Variants in SUFU observed in about 807,000 individuals in gnomAD.
SUFU encodes SUFU negative regulator of hedgehog signaling, also known as suppressor of fused homolog.
In SUFU, 7 loss-of-function variants were observed where a neutral mutation model predicts 58.9. The observed-to-expected ratio is 0.12, with a 90% CI of 0.07 to 0.22. SUFU has a LOEUF of 0.22. SUFU is among the 10% of genes least tolerant of loss of function. The probability of loss-of-function intolerance (pLI) is 1.00; values close to 1 mark genes in which losing one functional copy is unlikely to be tolerated. For missense variants in SUFU, 451 were observed against 641.3 expected (o/e 0.70, Z 3.20); for synonymous variants, 232 against 254.8 (o/e 0.91, Z 0.85).
chr10:102,539,312 G>A (rs1244281746), intron 2 of SUFU, among the ~76,000 whole-genome samples: 1 of 152,168 alleles, frequency 6.6e-6, no homozygotes, highest in African/African-American at 2.4e-5. Context: ...TCATGCGTAG[G>A]ATCAGTGTAT....
chr10:102,583,259 GTTCC>G (rs2063301236), intron 3 of SUFU, among the ~76,000 whole-genome samples: 1 of 152,200 alleles, frequency 6.6e-6, no homozygotes, highest in Non-Finnish European at 1.5e-5. Context: ...CATAAGTCTA[GTTCC>G]TTCATCAGGC....
At chr10:102,586,423 C>A (rs558087309) in intron 3 of SUFU, among the ~76,000 whole-genome samples, 1 of 151,864 alleles carries the variant, frequency 6.6e-6, no homozygotes, top group Admixed American at 6.6e-5. Flanking sequence ...CCTGTAATCC[C>A]AGCACTTTGG....
At chr10:102,590,554 A>G (rs1018455945) in intron 3 of SUFU, among the ~76,000 whole-genome samples, 2 of 152,066 alleles carry the variant, frequency 1.3e-5, no homozygotes, top group Admixed American at 6.6e-5. Flanking sequence ...ATATTGGTCT[A>G]TAGTTGTTTT....
At position 102,550,079 on chromosome 10, in the gene SUFU, G is replaced by A. The variant is rs1590019047; in HGVS notation, c.427G>A (p.Gly143Ser). 1.9e-6 allele frequency: 3 copies of A among 1,614,068 alleles called. No homozygotes were observed. The highest frequency in any genetic ancestry group is 1.7e-5 in the Admixed American group (1 of 60,004). Residue 143 changes from glycine (G) to serine (S), a missense_variant, in exon 3 of 12, where the codon GGC becomes AGC. Physicochemically the swap from Gly to Ser is moderately conservative, Grantham distance 56 (BLOSUM62 0). Coordinates refer to ENST00000369902, the MANE Select transcript of SUFU (RefSeq NM_016169.4). ...AACATGGCCCGCAGAGTTAATGCAG[G>A]GCTTGGCACGATACGTGTTCCAGTC... ...PPTWPAELMQ[G>S]LARYVFQSEN...
chr10:102,568,913 T>TACAC lies in SUFU; in HGVS notation c.454+18808_454+18809insCACA, dbSNP rs2063127291. ...AAAAAAAAAAATATATATATATATA[T>TACAC]ATATATACACATATATATATATATA... is the stretch of plus-strand genomic sequence containing the variant. On this transcript the variant is annotated intron_variant, in intron 3 of 11. Coordinates refer to ENST00000369902, the MANE Select transcript of SUFU (RefSeq NM_016169.4). 2.6e-4 allele frequency among the ~76,000 whole-genome samples: 2 copies of TACAC among 7,556 alleles called. 1 individual carries two copies. Among genetic ancestry groups the TACAC allele is most frequent in the Non-Finnish European group, 5.2e-4 (2 of 3,848 alleles). The allele number at this position is 7,556 out of a possible 152,430, so 5.0% of individuals were successfully genotyped here. A position where few individuals can be genotyped will look rare whatever the true frequency, so the allele number is the denominator to read the frequency against.
chr10:102,618,788 C>A, intron 10 of SUFU: 2 of 521,292 alleles, frequency 3.8e-6, no homozygotes, highest in Non-Finnish European at 3.4e-6. Context: ...TACCCCCAGC[C>A]ATGTCCCGGG....
At chr10:102,536,326 A>G (rs1475802399) in intron 2 of SUFU, among the ~76,000 whole-genome samples, 1 of 151,720 alleles carries the variant, frequency 6.6e-6, no homozygotes, top group Non-Finnish European at 1.5e-5. Flanking sequence ...TGAAAAACAA[A>G]AATTATACTG....
intron 2 of SUFU, among the ~76,000 whole-genome samples, chr10:102,519,151 A>AAG (rs1257256535): frequency 2.0e-5 from 3 of 150,558 alleles, no homozygotes; most frequent in East Asian, 2.0e-4. Context: ...AAAAAAAAAA[A>AAG]AAAAGAAAGA....
At chr10:102,511,166 TAAAC>T (rs997933350) in intron 2 of SUFU, among the ~76,000 whole-genome samples, 67 of 147,840 alleles carry the variant, frequency 4.5e-4, no homozygotes, top group Non-Finnish European at 7.6e-4. Context: ...ATAATGAAAA[TAAAC>T]AAAGTTTTTT....
intron 3 of SUFU, among the ~76,000 whole-genome samples, chr10:102,590,153 CTT>C (rs71474569): frequency 8.1e-5 from 6 of 73,836 alleles, no homozygotes; most frequent in Non-Finnish European, 1.2e-4. Context: ...TTTTTTTTTT[CTT>C]TTTTCTTTTT....
At position 102,632,258 on chromosome 10, in the gene SUFU, TG is replaced by T. The variant is rs2135963752; in HGVS notation, c.*2104del. On this transcript the variant is annotated 3_prime_UTR_variant, in exon 12 of 12. Transcript: ENST00000369902. Reference sequence around the variant, plus strand: ...CCAGACCTGGAGGGTCTTTGTGGACTGAAGGTAGACACCAGCCAGCATGGTG... The same window carrying T: ...CCAGACCTGGAGGGTCTTTGTGGACTAAGGTAGACACCAGCCAGCATGGTG... 4.3e-6 allele frequency: 1 copy of T among 233,332 alleles called. No individual in the cohort carries two copies. Among genetic ancestry groups the T allele is most frequent in the Admixed American group, 5.6e-5 (1 of 17,796 alleles). The allele number at this position is 233,332 out of a possible 1,614,324, so 14.5% of individuals were successfully genotyped here.
intron 3 of SUFU, among the ~76,000 whole-genome samples, chr10:102,571,827 C>T (rs1467935435): frequency 6.6e-6 from 1 of 152,184 alleles, no homozygotes; most frequent in East Asian, 1.9e-4. Context: ...ATGCTGCATT[C>T]TTTTCTTTTC....
Position 102,630,138 on chromosome 10 carries a change from GACAGTCCGCT to G in SUFU, c.1442_1451del (p.Ser481ThrfsTer19), listed in dbSNP as rs1324912821. On this transcript the variant is annotated frameshift_variant, in exon 12 of 12. Transcript: ENST00000369902. LOFTEE classifies it high-confidence loss of function. The stretch of plus-strand genomic sequence containing the variant: ...CTCCATCCTGCCTGACGTGGTGTTC[GACAGTCCGCT>G]ACACTAGCCTGGGCTGGGCCCTGCA... The G allele has an allele frequency of 2.5e-6, 4 of 1,614,166 alleles. No homozygotes were observed. Among genetic ancestry groups the G allele is most frequent in the Non-Finnish European group, 3.4e-6 (4 of 1,180,008 alleles).
chr10:102,511,464 G>A (rs936343856), intron 2 of SUFU, among the ~76,000 whole-genome samples: 39 of 151,972 alleles, frequency 2.6e-4, no homozygotes, highest in African/African-American at 8.7e-4. Flanking sequence ...TTTGCATAGC[G>A]ACCAATTCTG....
At chr10:102,620,905 T>C (rs1325078543) in intron 10 of SUFU, among the ~76,000 whole-genome samples, 1 of 152,162 alleles carries the variant, frequency 6.6e-6, no homozygotes, top group Non-Finnish European at 1.5e-5. Context: ...CATCACCAAA[T>C]ATGAGAATAT....
intron 5 of SUFU, 134 bp downstream of exon 5, chr10:102,593,855 A>G: frequency 7.3e-7 from 1 of 1,360,984 alleles, no homozygotes; most frequent in Non-Finnish European, 1.0e-6. Context: ...CTTCCTGACG[A>G]CTCACTCCCT....
chr10:102,518,537 C>CTATCTATCTATCTATG (rs1199619029), intron 2 of SUFU, among the ~76,000 whole-genome samples: 1 of 151,454 alleles, frequency 6.6e-6, no homozygotes, highest in East Asian at 2.0e-4. Flanking sequence ...ATCTATCTAT[C>CTATCTATCTATCTATG]TATCTATCTA....
intron 2 of SUFU, among the ~76,000 whole-genome samples, chr10:102,534,107 G>A (rs2135704032): frequency 6.6e-6 from 1 of 152,292 alleles, no homozygotes; most frequent in Middle Eastern, 3.4e-3. Flanking sequence ...CGTGTGGTGA[G>A]GAGGGGCGGA....
At chr10:102,563,780 T>G (rs2063062340) in intron 3 of SUFU, among the ~76,000 whole-genome samples, 2 of 151,856 alleles carry the variant, frequency 1.3e-5, no homozygotes, top group Admixed American at 6.6e-5. Context: ...CCTTTTTTTT[T>G]TGTTGTTAAA....
Sources: gnomAD v4.1 joint callset for allele counts (sites outside exome capture counted in the v4.1 genomes callset) on GRCh38, gnomAD v4.1.1 for gene constraint, MANE v1.5 for transcripts, NCBI Gene and HGNC (gene_info 2026-07-23, HGNC 2026-07-21) for gene names.